The following DIP2C variants were observed in gnomAD, a reference collection of about 807,000 sequenced individuals.
The protein encoded by DIP2C is disco-interacting protein 2 homolog C.
Under a neutral mutation model 192.4 loss-of-function variants are expected in DIP2C, and 33 were observed. The ratio of observed to expected loss-of-function variants is 0.17; its 90% CI spans 0.13 to 0.23. The LOEUF is 0.23. Among genes scored for constraint, DIP2C ranks in the 10% least tolerant of loss-of-function variants. The probability of loss-of-function intolerance (pLI) is 1.00; values close to 1 mark genes in which losing one functional copy is unlikely to be tolerated. For synonymous variants in DIP2C, 979 were observed against 864.1 expected (o/e 1.13, Z -2.33); for missense variants, 1,537 against 2,110.1 (o/e 0.73, Z 5.32).
intron 1 of DIP2C, among the ~76,000 whole-genome samples, chr10:616,308 GAAAA>G (rs1391874730): frequency 2.6e-5 from 4 of 152,216 alleles, no homozygotes; most frequent in African/African-American, 9.6e-5. Context: ...AAGCATGAAT[GAAAA>G]CTTTAATCTG....
At chr10:531,771 C>T (rs537495396) in intron 1 of DIP2C, among the ~76,000 whole-genome samples, 1 of 152,320 alleles carries the variant, frequency 6.6e-6, no homozygotes, top group South Asian at 2.1e-4. Flanking sequence ...CTCAGAGGAA[C>T]ACGGACAAAC....
chr10:532,416 T>C (rs1209809706), intron 1 of DIP2C, among the ~76,000 whole-genome samples: 1 of 152,216 alleles, frequency 6.6e-6, no homozygotes, highest in Non-Finnish European at 1.5e-5. Flanking sequence ...CCGCTGCATT[T>C]TCTTGCTGGC....
chr10:682,898 T>C (rs992754629), intron 1 of DIP2C, among the ~76,000 whole-genome samples: 2 of 152,156 alleles, frequency 1.3e-5, no homozygotes, highest in African/African-American at 4.8e-5. Flanking sequence ...CAAAAAATGA[T>C]TTAAAACCAG....
intron 1 of DIP2C, among the ~76,000 whole-genome samples, chr10:618,283 T>C (rs1461920952): frequency 6.6e-6 from 1 of 152,226 alleles, no homozygotes; most frequent in Admixed American, 6.5e-5. Context: ...TTTTCTGGCA[T>C]TAGATGACCA....
At chr10:577,568 T>C (rs976119439) in intron 1 of DIP2C, among the ~76,000 whole-genome samples, 2 of 152,190 alleles carry the variant, frequency 1.3e-5, no homozygotes, top group Admixed American at 6.5e-5. Context: ...GAACTCTGAA[T>C]GCTCAGAGGA....
chr10:311,558 C>A (rs1564538367), intron 31 of DIP2C: 23 of 1,232,380 alleles, frequency 1.9e-5, no homozygotes, highest in Non-Finnish European at 1.8e-5. Flanking sequence ...GGGTCCACAG[C>A]CTGTGAGGCT....
intron 1 of DIP2C, among the ~76,000 whole-genome samples, chr10:607,553 T>C (rs1283893414): frequency 1.3e-5 from 2 of 152,240 alleles, no homozygotes; most frequent in Non-Finnish European, 2.9e-5. Flanking sequence ...GGCTAAACTG[T>C]TCTGATAAAC....
intron 3 of DIP2C, 35 bp from the exon 4 acceptor site, chr10:441,031 G>C: frequency 6.3e-7 from 1 of 1,597,546 alleles, no homozygotes; most frequent in Non-Finnish European, 8.5e-7. Flanking sequence ...TCAGTGCTCA[G>C]CTGAGGTCCC....
Position 472,465 on chromosome 10 carries a change from C to G in DIP2C, c.242G>C (p.Gly81Ala). ...ASRYHRRRSS[G>A]SRDERYRSDV... is the part of the protein sequence containing the mutation. Reference sequence around the variant, plus strand: ...TGACCGATAGCGCTCATCTCGTGACCCTGAAGACCGTCGGCGGTGGTAGCG... The same window carrying G: ...TGACCGATAGCGCTCATCTCGTGACGCTGAAGACCGTCGGCGGTGGTAGCG... The change falls in exon 3 of 37, where the codon GGG (glycine) becomes GCG (alanine). Residue 81 changes from glycine (G) to alanine (A), a missense_variant. Gly to Ala is a moderately conservative substitution (Grantham distance 60). This residue lies in a region of DIP2C where 473 missense variants were observed against 539.6 expected (regional missense o/e 0.88). Coordinates refer to ENST00000280886, the MANE Select transcript of DIP2C (RefSeq NM_014974.3). 6.2e-7 allele frequency: 1 copy of G among 1,614,182 alleles called. No homozygotes were observed. The highest frequency in any genetic ancestry group is 8.5e-7 in the Non-Finnish European group (1 of 1,180,042).
intron 1 of DIP2C, among the ~76,000 whole-genome samples, chr10:589,950 T>C (rs561453589): frequency 2.6e-5 from 4 of 152,224 alleles, no homozygotes; most frequent in African/African-American, 9.6e-5. Context: ...AAGCGTGTGA[T>C]AAGTTACATA....
intron 1 of DIP2C, among the ~76,000 whole-genome samples, chr10:544,315 C>A (rs927900267): frequency 3.9e-5 from 6 of 152,214 alleles, no homozygotes. Flanking sequence ...CCATTGTGTG[C>A]AAATTTTCTT....
intron 22 of DIP2C, among the ~76,000 whole-genome samples, chr10:361,934 C>T (rs750392888): frequency 3.3e-5 from 5 of 151,514 alleles, no homozygotes; most frequent in Non-Finnish European, 2.9e-5. Context: ...CCAGGGACCG[C>T]GAGAACAACA....
intron 1 of DIP2C, among the ~76,000 whole-genome samples, chr10:514,684 A>G (rs1017717885): frequency 6.6e-6 from 1 of 152,030 alleles, no homozygotes; most frequent in Non-Finnish European, 1.5e-5. Flanking sequence ...GTATTTCCTC[A>G]TGGCTCCTGA....
chr10:499,249 C>T (rs1845061216), intron 1 of DIP2C, among the ~76,000 whole-genome samples: 2 of 152,218 alleles, frequency 1.3e-5, no homozygotes, highest in Non-Finnish European at 1.5e-5. Context: ...GTGGTGCTGA[C>T]TGGCTGCTCG....
At chr10:522,160 T>C (rs1346255586) in intron 1 of DIP2C, among the ~76,000 whole-genome samples, 2 of 152,172 alleles carry the variant, frequency 1.3e-5, no homozygotes, top group Non-Finnish European at 2.9e-5. Context: ...TTCCAGGCTG[T>C]CCTGTCGTTG....
At chr10:288,732 A>T (rs1955299026) in intron 32 of DIP2C, among the ~76,000 whole-genome samples, 1 of 152,252 alleles carries the variant, frequency 6.6e-6, no homozygotes, top group Non-Finnish European at 1.5e-5. Flanking sequence ...CACGGATTAC[A>T]GAGTTTCCTT....
intron 1 of DIP2C, among the ~76,000 whole-genome samples, chr10:505,546 G>A (rs1845540251): frequency 6.6e-6 from 1 of 151,836 alleles, no homozygotes; most frequent in Non-Finnish European, 1.5e-5. Flanking sequence ...CAGGGAGATG[G>A]AGCTGCCTGC....
chr10:430,367 C>T (rs1430102041), intron 4 of DIP2C: 1 of 152,142 alleles, frequency 6.6e-6, no homozygotes, highest in Non-Finnish European at 1.5e-5. Context: ...CCCAGGAGGT[C>T]GCTGGGTTGA....
intron 1 of DIP2C, among the ~76,000 whole-genome samples, chr10:546,922 GATGA>G (rs758898706): frequency 5.3e-5 from 8 of 152,302 alleles, no homozygotes; most frequent in East Asian, 1.9e-4. Context: ...TTTTCCTTGA[GATGA>G]AAGAATCAAT....
Sources: gnomAD v4.1 joint callset for allele counts (sites outside exome capture counted in the v4.1 genomes callset) on GRCh38, gnomAD v4.1.1 for gene constraint, gnomAD v4.1.1 regional missense constraint, MANE v1.5 for transcripts, NCBI Gene and HGNC (gene_info 2026-07-23, HGNC 2026-07-21) for gene names.